The following CHLSN variants were observed in gnomAD, a reference collection of about 807,000 sequenced individuals.
CHLSN encodes cholesin, also known as protein cholesin.
the CHLSN span, among the ~76,000 whole-genome samples, chr7:1,096,257 C>T: frequency 6.6e-6 from 1 of 152,212 alleles, no homozygotes; most frequent in Non-Finnish European, 1.5e-5. This position sits in a 1 kb window ranked among gnomAD's most constrained non-coding sequence, Gnocchi z 4.6. Context: ...GCCATCTAGC[C>T]GCCGGAAGCA....
At chr7:1,091,617 T>C in the CHLSN span, 3 of 886,320 alleles carry the variant, frequency 3.4e-6, no homozygotes, top group Admixed American at 7.3e-5. Flanking sequence ...GTCTGACAAA[T>C]GCCAGGCTCA....
chr7:991,274 C>T, the CHLSN span, among the ~76,000 whole-genome samples: 1 of 152,142 alleles, frequency 6.6e-6, no homozygotes, highest in Non-Finnish European at 1.5e-5. Context: ...TGACCCCGCT[C>T]GCCCGACTCA....
At chr7:1,079,417 T>C in the CHLSN span, among the ~76,000 whole-genome samples, 1 of 152,140 alleles carries the variant, frequency 6.6e-6, no homozygotes, top group Non-Finnish European at 1.5e-5. Flanking sequence ...CATCCTGGGA[T>C]GGTATGAAAG....
the CHLSN span, among the ~76,000 whole-genome samples, chr7:1,014,791 G>A: frequency 6.7e-4 from 102 of 151,924 alleles, no homozygotes; most frequent in African/African-American, 2.4e-3. Flanking sequence ...ATTGGCCGCC[G>A]GCCACGGCAG....
At chr7:1,105,334 T>G in the CHLSN span, among the ~76,000 whole-genome samples, 1 of 152,236 alleles carries the variant, frequency 6.6e-6, no homozygotes, top group Non-Finnish European at 1.5e-5. Flanking sequence ...CTGGCCCGGT[T>G]CTGCCGCCGG....
At chr7:1,029,715 C>T in the CHLSN span, among the ~76,000 whole-genome samples, 1 of 121,582 alleles carries the variant, frequency 8.2e-6, no homozygotes, top group African/African-American at 2.6e-5. Context: ...GGTCGCGGGG[C>T]CCTGCTCTGG....
At chr7:1,069,360 CT>C in the CHLSN span, among the ~76,000 whole-genome samples, 1 of 145,248 alleles carries the variant, frequency 6.9e-6, no homozygotes, top group Non-Finnish European at 1.6e-5. Flanking sequence ...TCCCTCTCCC[CT>C]CTCCCCTCTC....
chr7:1,046,059 G>A, the CHLSN span, among the ~76,000 whole-genome samples: 1 of 151,378 alleles, frequency 6.6e-6, no homozygotes, highest in African/African-American at 2.4e-5. Context: ...CTTAGGTTAG[G>A]ATGTAAAGGC....
the CHLSN span, among the ~76,000 whole-genome samples, chr7:1,049,730 G>T: frequency 5.9e-5 from 9 of 152,230 alleles, no homozygotes; most frequent in African/African-American, 2.2e-4. Flanking sequence ...TTAGACCAGA[G>T]GTCAAGGCAG....
chr7:1,115,985 T>C, the CHLSN span, among the ~76,000 whole-genome samples: 2 of 118,102 alleles, frequency 1.7e-5, 1 homozygote, highest in South Asian at 6.3e-4. Context: ...ACTGCAGCTC[T>C]ACGGACCGGC....
the CHLSN span, among the ~76,000 whole-genome samples, chr7:1,009,564 G>A: frequency 6.6e-6 from 1 of 152,140 alleles, no homozygotes; most frequent in Admixed American, 6.5e-5. Flanking sequence ...TGGCAGTGGC[G>A]CCTCCTGTCA....
the CHLSN span, chr7:997,893 C>A: frequency 1.6e-6 from 2 of 1,286,138 alleles, no homozygotes; most frequent in Non-Finnish European, 2.2e-6. Context: ...CCAAGGACAC[C>A]CGGGCCTCAG....
At chr7:1,115,300 C>T in the CHLSN span, among the ~76,000 whole-genome samples, 8 of 152,370 alleles carry the variant, frequency 5.3e-5, no homozygotes, top group East Asian at 1.9e-4. Flanking sequence ...GAAACGGCCC[C>T]GGCCCTGCCA....
At chr7:989,745 A>C in the CHLSN span, 1 of 184,142 alleles carries the variant, frequency 5.4e-6, no homozygotes, top group African/African-American at 2.4e-5. Context: ...GCACCACTGC[A>C]CTCCAGCCTG....
At chr7:1,002,944 TGA>T in the CHLSN span, among the ~76,000 whole-genome samples, 8 of 77,118 alleles carry the variant, frequency 1.0e-4, no homozygotes, top group African/African-American at 4.0e-4. Context: ...GTCCTGTGGG[TGA>T]GTGGAGTCCT....
the CHLSN span, among the ~76,000 whole-genome samples, chr7:1,019,929 G>A: frequency 6.6e-6 from 1 of 152,248 alleles, no homozygotes; most frequent in African/African-American, 2.4e-5. Context: ...CCAAGCTACA[G>A]TGCGTTTCCC....
chr7:1,115,914 G>C, the CHLSN span, among the ~76,000 whole-genome samples: 4 of 117,268 alleles, frequency 3.4e-5, no homozygotes, highest in Admixed American at 3.6e-4. Context: ...CACGCAGGAT[G>C]ACATCACTAA....
At chr7:1,073,988 T>G in the CHLSN span, among the ~76,000 whole-genome samples, 8 of 8,574 alleles carry the variant, frequency 9.3e-4, no homozygotes, top group Non-Finnish European at 1.4e-3. Flanking sequence ...CCCGCTGCCG[T>G]CACACACCCC....
the CHLSN span, among the ~76,000 whole-genome samples, chr7:1,126,129 G>A: frequency 6.6e-6 from 1 of 151,984 alleles, no homozygotes; most frequent in Non-Finnish European, 1.5e-5. Context: ...GGGAGGCCGA[G>A]GCAGGTGGAT....
Sources: gnomAD v4.1 joint callset for allele counts (sites outside exome capture counted in the v4.1 genomes callset) on GRCh38, gnomAD v4.1.1 for gene constraint, Gnocchi (gnomAD v3.1) non-coding constraint, MANE v1.5 for transcripts, NCBI Gene and HGNC (gene_info 2026-07-23, HGNC 2026-07-21) for gene names.